TBCA: variants seen among roughly 807,000 people sequenced by gnomAD.
TBCA encodes tubulin-specific chaperone A.
TBCA carries 6 observed loss-of-function variants against 15.8 expected under a neutral mutation model. The observed-to-expected ratio is 0.38, with a 90% CI of 0.21 to 0.75. The LOEUF (loss-of-function observed/expected upper bound fraction) is 0.75. TBCA is among the 30% of genes least tolerant of loss of function. TBCA has a pLI of 0.46. For missense variants in TBCA, 90 were observed against 131.2 expected (o/e 0.69, Z 1.53); for synonymous variants, 32 against 42.3 (o/e 0.76, Z 0.94).
At chr5:77,725,416 G>A (rs1746610992) in intron 1 of TBCA, among the ~76,000 whole-genome samples, 1 of 152,162 alleles carries the variant, frequency 6.6e-6, no homozygotes, top group African/African-American at 2.4e-5. Context: ...AGTGAAATGT[G>A]TGCAAGCACA....
rs140665233 is a variant in TBCA at position 77,767,657 on chromosome 5, C to G, written c.53+8548G>C. ...AGAAATTACTCAAGAACACAAGGTTCATACTCTTCCTTTCTCCCTCCACAG... is the reference window on the plus strand; with the variant it reads ...AGAAATTACTCAAGAACACAAGGTTGATACTCTTCCTTTCTCCCTCCACAG... On this transcript the variant is annotated intron_variant, in intron 1 of 3. Coordinates refer to ENST00000380377, the MANE Select transcript of TBCA (RefSeq NM_004607.3). Among the ~76,000 whole-genome samples the G allele has an allele frequency of 3.8e-3, 585 of 152,334 alleles. 4 individuals are homozygous for G. The highest frequency in any genetic ancestry group is 0.012 in the African/African-American group (494 of 41,574).
chr5:77,757,472 G>A (rs964142153), intron 1 of TBCA, among the ~76,000 whole-genome samples: 2 of 152,104 alleles, frequency 1.3e-5, no homozygotes, highest in Non-Finnish European at 2.9e-5. Flanking sequence ...TTCCTTGTTG[G>A]AAGCAAGTAA....
intron 1 of TBCA, among the ~76,000 whole-genome samples, chr5:77,717,825 T>C (rs184613647): frequency 7.6e-4 from 97 of 126,824 alleles, no homozygotes; most frequent in African/African-American, 2.9e-3. Flanking sequence ...ACAGCGAAAC[T>C]CTGTCTCAAA....
At chr5:77,741,719 AT>A (rs1161616944) in intron 1 of TBCA, among the ~76,000 whole-genome samples, 1 of 152,120 alleles carries the variant, frequency 6.6e-6, no homozygotes, top group Non-Finnish European at 1.5e-5. Context: ...AGAAGTTGAT[AT>A]ATTTACCAAG....
At chr5:77,723,929 T>G (rs1746577777) in intron 1 of TBCA, among the ~76,000 whole-genome samples, 1 of 152,090 alleles carries the variant, frequency 6.6e-6, no homozygotes, top group African/African-American at 2.4e-5. Flanking sequence ...TAGTTTTTAA[T>G]GTTTTCAAAA....
intron 2 of TBCA, among the ~76,000 whole-genome samples, chr5:77,700,252 G>A (rs1308203605): frequency 3.3e-5 from 5 of 151,948 alleles, no homozygotes; most frequent in Admixed American, 3.3e-4. Flanking sequence ...CAAAGACACT[G>A]TTAAGAGGAT....
chr5:77,705,109 T>C (rs1455634712), intron 2 of TBCA, among the ~76,000 whole-genome samples: 3 of 152,208 alleles, frequency 2.0e-5, no homozygotes, highest in East Asian at 1.9e-4. Context: ...AGTGATTTCA[T>C]TGAAAGATGA....
intron 1 of TBCA, among the ~76,000 whole-genome samples, chr5:77,726,771 C>T (rs937531432): frequency 1.3e-5 from 2 of 152,076 alleles, no homozygotes; most frequent in African/African-American, 4.8e-5. Flanking sequence ...AAATTATGTT[C>T]ATTAGTATTT....
At chr5:77,714,661 G>A (rs1160958388) in intron 1 of TBCA, among the ~76,000 whole-genome samples, 1 of 151,596 alleles carries the variant, frequency 6.6e-6, no homozygotes, top group Non-Finnish European at 1.5e-5. Flanking sequence ...CCGCCTCCCA[G>A]GTTCATGCCA....
chr5:77,717,864 T>G (rs1310314587), intron 1 of TBCA, among the ~76,000 whole-genome samples: 1 of 150,274 alleles, frequency 6.7e-6, no homozygotes, highest in Non-Finnish European at 1.5e-5. Context: ...GGGCAGTGGC[T>G]TACGCCTGTA....
At chr5:77,764,795 C>T (rs1381622149) in intron 1 of TBCA, among the ~76,000 whole-genome samples, 1 of 152,104 alleles carries the variant, frequency 6.6e-6, no homozygotes, top group Non-Finnish European at 1.5e-5. Context: ...AAAACTGTCT[C>T]CTTTTTCCAC....
chr5:77,697,375 A>AC (rs80348561), intron 2 of TBCA, among the ~76,000 whole-genome samples: 2 of 152,116 alleles, frequency 1.3e-5, no homozygotes, highest in Non-Finnish European at 2.9e-5. Context: ...GGATCAAAAA[A>AC]CCCCAACAAT....
At chr5:77,727,239 G>GTA (rs1554044587) in intron 1 of TBCA, among the ~76,000 whole-genome samples, 1 of 81,042 alleles carries the variant, frequency 1.2e-5, no homozygotes, top group Non-Finnish European at 2.3e-5. Context: ...TCTGTCTCAG[G>GTA]AAAAAAAAAA....
intron 1 of TBCA, among the ~76,000 whole-genome samples, chr5:77,722,781 T>C (rs1017173672): frequency 6.6e-6 from 1 of 151,750 alleles, no homozygotes; most frequent in Admixed American, 6.6e-5. Context: ...TAAGGTGTAG[T>C]TCTACACAAC....
intron 1 of TBCA, 123 bp from the exon 2 acceptor site, chr5:77,708,470 G>A: frequency 1.8e-6 from 1 of 570,220 alleles, no homozygotes; most frequent in Non-Finnish European, 3.1e-6. Context: ...GATGGGGGGA[G>A]GAAGGAACAG....
chr5:77,736,868 A>G (rs1390683529), intron 1 of TBCA, among the ~76,000 whole-genome samples: 1 of 152,216 alleles, frequency 6.6e-6, no homozygotes, highest in Non-Finnish European at 1.5e-5. Context: ...CACAAATAGT[A>G]ACTCAACAGT....
Position 77,766,774 on chromosome 5 carries a change from G to C in TBCA, c.53+9431C>G, listed in dbSNP as rs1285954440. Among the ~76,000 whole-genome samples, 5 of 22,206 alleles carry C rather than the reference G, an allele frequency of 2.3e-4. 1 individual carries two copies. The highest frequency in any genetic ancestry group is 4.9e-4 in the Non-Finnish European group (5 of 10,240). 14.6% of individuals were successfully genotyped at this position (22,206 alleles called of 152,430 possible). On this transcript the variant is annotated intron_variant, in intron 1 of 3. Coordinates refer to ENST00000380377, the MANE Select transcript of TBCA (RefSeq NM_004607.3). ...GGCCTCCCAAAGTGCTGGGATTACA[G>C]GCGTGAGCCACCGCGCCCGGCTCTC...
chr5:77,736,855 T>C (rs915912356), intron 1 of TBCA, among the ~76,000 whole-genome samples: 4 of 152,224 alleles, frequency 2.6e-5, no homozygotes, highest in Non-Finnish European at 5.9e-5. Flanking sequence ...ATTAAATTGC[T>C]TGCACAAATA....
intron 1 of TBCA, among the ~76,000 whole-genome samples, chr5:77,757,652 T>C (rs193089588): frequency 1.1e-3 from 174 of 152,276 alleles, no homozygotes; most frequent in East Asian, 8.1e-3. Flanking sequence ...CAAGCACCAA[T>C]AGATTTGTCA....
Sources: gnomAD v4.1 joint callset for allele counts (sites outside exome capture counted in the v4.1 genomes callset) on GRCh38, gnomAD v4.1.1 for gene constraint, MANE v1.5 for transcripts, NCBI Gene and HGNC (gene_info 2026-07-23, HGNC 2026-07-21) for gene names.